The following CNPY1 variants were observed in gnomAD, a reference collection of about 807,000 sequenced individuals.
CNPY1 encodes the protein canopy FGF signaling regulator 1, also known as protein canopy homolog 1.
A neutral mutation model predicts 14.4 loss-of-function variants in CNPY1; 14 were observed. That is an observed-to-expected ratio of 0.97 (90% CI 0.64 to 1.52). The LOEUF (loss-of-function observed/expected upper bound fraction) is 1.52, where lower values mean the gene tolerates loss of function less well. Ranked by LOEUF, CNPY1 falls within the 40% of genes most tolerant of loss-of-function variation. CNPY1 has a pLI of 0.00. For synonymous variants in CNPY1, 43 were observed against 46.5 expected, an observed-to-expected ratio of 0.92 and a Z score of 0.31; for missense variants, 129 against 131.5, an observed-to-expected ratio of 0.98 and a Z score of 0.09.
chr7:155,543,539 G>A (rs1797125677), intron 2 of CNPY1, among the ~76,000 whole-genome samples: 1 of 152,238 alleles, frequency 6.6e-6, no homozygotes, highest in Admixed American at 6.5e-5. Flanking sequence ...GGAAGGATGA[G>A]AGACCTTCTA....
At chr7:155,524,085 C>T (rs1490024522) in intron 2 of CNPY1, among the ~76,000 whole-genome samples, 10 of 152,174 alleles carry the variant, frequency 6.6e-5, no homozygotes, top group African/African-American at 1.4e-4. Context: ...CTTTGCCCCA[C>T]GAGGGAATCA....
At chr7:155,534,808 T>C (rs1797004035) in intron 2 of CNPY1, among the ~76,000 whole-genome samples, 1 of 152,206 alleles carries the variant, frequency 6.6e-6, no homozygotes, top group Non-Finnish European at 1.5e-5. Context: ...TTCTGGGCAC[T>C]GAGGGAGCGG....
intron 2 of CNPY1, among the ~76,000 whole-genome samples, chr7:155,530,846 A>T (rs1563094790): frequency 6.6e-6 from 1 of 152,184 alleles, no homozygotes; most frequent in East Asian, 1.9e-4. Flanking sequence ...ACTGCATACC[A>T]GGAGCCTCTC....
chr7:155,544,748 G>A (rs571461721), intron 2 of CNPY1, among the ~76,000 whole-genome samples: 2 of 152,340 alleles, frequency 1.3e-5, no homozygotes, highest in East Asian at 3.9e-4. Context: ...CAGTGGGCCT[G>A]CACGGGGTCC....
rs184588224 is a variant in CNPY1 at position 155,543,710 on chromosome 7, C to A, written c.99+2121G>T. On this transcript the variant is annotated intron_variant, in intron 2 of 4. Coordinates refer to ENST00000636446, the MANE Select transcript of CNPY1 (RefSeq NM_001393663.1). ...AACACAAGGGCTTTAAAGACGAGTT[C>A]TCCAACACGAGGAACCCACCCGCGC... 7.2e-5 allele frequency among the ~76,000 whole-genome samples: 11 copies of A among 152,302 alleles called. No homozygotes were observed. The East Asian group carries it at 1.9e-3, about 27-fold the overall frequency.
At chr7:155,515,908 A>G (rs1282301449) in intron 2 of CNPY1, among the ~76,000 whole-genome samples, 1 of 152,146 alleles carries the variant, frequency 6.6e-6, no homozygotes, top group Non-Finnish European at 1.5e-5. Context: ...AGTAAAATCT[A>G]AGGCTCATCC....
chr7:155,528,864 T>C (rs73163398), intron 2 of CNPY1, among the ~76,000 whole-genome samples: 21,541 of 152,042 alleles, frequency 0.14, 1,710 homozygotes, highest in East Asian at 0.28. Flanking sequence ...ATCAAGACCA[T>C]CCTGGCTAAC....
In CNPY1 at chr7:155,532,257, C is replaced by T. The variant is rs371764723; in HGVS notation, c.99+13574G>A. Among the ~76,000 whole-genome samples the T allele has an allele frequency of 7.5e-3, 1,144 of 152,288 alleles. 15 individuals carry two copies. Among genetic ancestry groups the T allele is most frequent in the South Asian group, 0.034 (163 of 4,824 alleles). On this transcript the variant is annotated intron_variant, in intron 2 of 4. Coordinates refer to ENST00000636446, the MANE Select transcript of CNPY1 (RefSeq NM_001393663.1). ...CTGTGTCTCTGTGTGTCCCTGCAGG[C>T]TCTGTGTCTTCCTGTAGGTCACTGC...
chr7:155,507,111 T>A lies in CNPY1; in HGVS notation c.309A>T (p.Glu103Asp). The change falls in exon 4 of 5, where the codon GAA (glutamate) becomes GAT (aspartate). Residue 103 changes from glutamate to aspartate, a missense_variant. Coordinates refer to ENST00000636446, the MANE Select transcript of CNPY1 (RefSeq NM_001393663.1). ...DAYRPLKFAC[E>D]TIIEEYEDEI... ...CATCTTCATACTCTTCTATTATAGT[T>A]TCACACTGTAGAAACATAATAACAA... The A allele has an allele frequency of 6.3e-7, 1 of 1,589,892 alleles. No homozygotes were observed. The highest frequency in any genetic ancestry group is 1.1e-5 in the South Asian group (1 of 90,584).
At chr7:155,534,023 G>A (rs149788820) in intron 2 of CNPY1, among the ~76,000 whole-genome samples, 1 of 152,148 alleles carries the variant, frequency 6.6e-6, no homozygotes, top group African/African-American at 2.4e-5. Context: ...AAGCCCGGGG[G>A]GAAAGGTCCC....
chr7:155,534,735 T>G (rs1314321656), intron 2 of CNPY1, among the ~76,000 whole-genome samples: 1 of 152,186 alleles, frequency 6.6e-6, no homozygotes, highest in African/African-American at 2.4e-5. Context: ...TGGAACGTAA[T>G]GGGACTCCGG....
At position 155,502,238 on chromosome 7, in the gene CNPY1, C is replaced by T. The variant is rs1796138713; in HGVS notation, c.*830G>A. 2 of 151,944 alleles carry T rather than the reference C, an allele frequency of 1.3e-5. No homozygotes were observed. The highest frequency in any genetic ancestry group is 2.4e-5 in the African/African-American group (1 of 41,360). The allele number at this position is 151,944 out of a possible 1,614,324, so 9.4% of individuals were successfully genotyped here. ...CCAGGTCCCAACTCTTTTTCCATTC[C>T]TGTAGAAGAATGGTAGATTATTTAG... On this transcript the variant is annotated 3_prime_UTR_variant, in exon 5 of 5. Transcript: ENST00000636446.
At chr7:155,520,648 C>T (rs1029367807) in intron 2 of CNPY1, among the ~76,000 whole-genome samples, 6 of 151,842 alleles carry the variant, frequency 4.0e-5, no homozygotes, top group African/African-American at 1.5e-4. Context: ...TTTTAAAAAG[C>T]AGATAGATGT....
At chr7:155,545,268 C>G (rs953852892) in intron 2 of CNPY1, among the ~76,000 whole-genome samples, 2 of 152,124 alleles carry the variant, frequency 1.3e-5, no homozygotes, top group African/African-American at 4.8e-5. Context: ...GGAAGGTGTC[C>G]CCTAATGGGT....
chr7:155,507,020 C>T lies in CNPY1; in HGVS notation c.400G>A (p.Asp134Asn), dbSNP rs1357911438. The T allele has an allele frequency of 2.8e-5, 45 of 1,599,620 alleles. No individual in the cohort carries two copies. Among genetic ancestry groups the T allele is most frequent in the Non-Finnish European group, 3.3e-5 (39 of 1,167,462 alleles). ...GCACATGTTACATCAGACACAGTAC[C>T]TGATTTTTCACTGCACAGCTTGTCA... ...LADKLCSEKS[D>N]LCETSANHTE... Residue 134 changes from aspartate to asparagine, a missense_variant and splice_region_variant, in exon 4 of 5, where the codon GAT (aspartate) becomes AAT (asparagine). Asp to Asn is a conservative substitution (Grantham distance 23, BLOSUM62 1). Transcript: ENST00000636446.
Position 155,536,680 on chromosome 7 carries a change from T to C in CNPY1, c.99+9151A>G, listed in dbSNP as rs950704489. Reference sequence around the variant, plus strand: ...CTGCTGGATGAACAGGACTCGGGCTTGGAGGAGGAGGAGCCACAAGACAGA... The same window carrying C: ...CTGCTGGATGAACAGGACTCGGGCTCGGAGGAGGAGGAGCCACAAGACAGA... On this transcript the variant is annotated intron_variant, in intron 2 of 4. Transcript: ENST00000636446. The surrounding 1 kb of genome is among the most constrained non-coding windows in gnomAD (Gnocchi z 4.1). 6.6e-6 allele frequency among the ~76,000 whole-genome samples: 1 copy of C among 152,026 alleles called. No homozygotes were observed. The highest frequency in any genetic ancestry group is 2.4e-5 in the African/African-American group (1 of 41,392).
At chr7:155,509,744 C>T (rs1444075756) in intron 2 of CNPY1, among the ~76,000 whole-genome samples, 1 of 152,158 alleles carries the variant, frequency 6.6e-6, no homozygotes, top group Admixed American at 6.5e-5. Flanking sequence ...ATCTCCCAGG[C>T]GGGCTCCTCG....
chr7:155,542,882 C>T (rs974628440), intron 2 of CNPY1, among the ~76,000 whole-genome samples: 4 of 152,196 alleles, frequency 2.6e-5, no homozygotes, highest in African/African-American at 9.7e-5. Flanking sequence ...GTCCACACTG[C>T]CCTCCCAGAC....
chr7:155,519,257 C>T (rs1361754597), intron 2 of CNPY1, among the ~76,000 whole-genome samples: 1 of 152,140 alleles, frequency 6.6e-6, no homozygotes. Flanking sequence ...GGTGTAGTGG[C>T]TCGTGCCTGT....
Sources: gnomAD v4.1 joint callset for allele counts (sites outside exome capture counted in the v4.1 genomes callset) on GRCh38, gnomAD v4.1.1 for gene constraint, Gnocchi (gnomAD v3.1) non-coding constraint, MANE v1.5 for transcripts, NCBI Gene and HGNC (gene_info 2026-07-23, HGNC 2026-07-21) for gene names.